VPS13B: variants seen among roughly 807,000 people sequenced by gnomAD.
VPS13B encodes vacuolar protein sorting 13 homolog B, also known as intermembrane lipid transfer protein VPS13B.
VPS13B carries 285 observed loss-of-function variants against 426.4 expected under a neutral mutation model. That is an observed-to-expected ratio of 0.67 (90% CI 0.61 to 0.74). VPS13B has a LOEUF of 0.74. Among genes scored for constraint, VPS13B ranks in the 30% least tolerant of loss-of-function variants. VPS13B has a pLI of 0.00. For synonymous variants in VPS13B, 1,676 were observed against 1,676.4 expected, an observed-to-expected ratio of 1.00 and a Z score of 0.01; for missense variants, 4,537 against 4,782.6, an observed-to-expected ratio of 0.95 and a Z score of 1.51.
chr8:99,122,787 T>A (rs1282209687), intron 8 of VPS13B, among the ~76,000 whole-genome samples: 12 of 152,044 alleles, frequency 7.9e-5, no homozygotes, highest in Non-Finnish European at 1.8e-4. Context: ...AACATATATA[T>A]TGTGTTCATT....
chr8:99,745,176 A>G (rs1414013903), intron 39 of VPS13B, among the ~76,000 whole-genome samples: 3 of 152,084 alleles, frequency 2.0e-5, no homozygotes, highest in Non-Finnish European at 2.9e-5. Context: ...TCTGTCATAT[A>G]AACTCCACCT....
At chr8:99,840,371 C>G (rs1815621673) in intron 54 of VPS13B, among the ~76,000 whole-genome samples, 1 of 152,214 alleles carries the variant, frequency 6.6e-6, no homozygotes, top group Non-Finnish European at 1.5e-5. Flanking sequence ...TGATATTGGC[C>G]TAGTCCAGCT....
intron 50 of VPS13B, among the ~76,000 whole-genome samples, chr8:99,823,349 G>A (rs1166224945): frequency 6.6e-6 from 1 of 152,094 alleles, no homozygotes; most frequent in African/African-American, 2.4e-5. Flanking sequence ...ATATATGAAG[G>A]TCAATCCTTA....
chr8:99,690,946 C>G (rs80337710), intron 35 of VPS13B, among the ~76,000 whole-genome samples: 10,585 of 152,198 alleles, frequency 0.07, 553 homozygotes, highest in African/African-American at 0.14. Flanking sequence ...TCACCAAAAA[C>G]TGGAAACAAC....
intron 31 of VPS13B, among the ~76,000 whole-genome samples, chr8:99,565,912 AATGC>A (rs1253062727): frequency 3.3e-5 from 5 of 152,170 alleles, no homozygotes; most frequent in African/African-American, 1.2e-4. Flanking sequence ...TTTGTAGGTT[AATGC>A]CTAGATTGAC....
intron 33 of VPS13B, among the ~76,000 whole-genome samples, chr8:99,615,335 C>G (rs1301959621): frequency 1.3e-5 from 2 of 152,148 alleles, no homozygotes; most frequent in Non-Finnish European, 1.5e-5. Flanking sequence ...CTACCACTTA[C>G]TGGCTTTGAA....
chr8:99,375,433 C>T (rs3134172), intron 19 of VPS13B, among the ~76,000 whole-genome samples: 39,407 of 152,056 alleles, frequency 0.26, 5,780 homozygotes, highest in East Asian at 0.44. Flanking sequence ...CTTGCAATTT[C>T]CTACATCCTA....
chr8:99,318,667 G>A (rs1378838932), intron 19 of VPS13B, among the ~76,000 whole-genome samples: 3 of 151,900 alleles, frequency 2.0e-5, no homozygotes, highest in Admixed American at 6.6e-5. Flanking sequence ...CTACAGGCAC[G>A]CACCACCAAG....
At chr8:99,099,731 A>G (rs1846626670) in intron 4 of VPS13B, among the ~76,000 whole-genome samples, 1 of 152,224 alleles carries the variant, frequency 6.6e-6, no homozygotes, top group Non-Finnish European at 1.5e-5. Context: ...AGAAGTGCGA[A>G]TGGACAAAAA....
chr8:99,423,410 C>A (rs971895072), intron 21 of VPS13B, among the ~76,000 whole-genome samples: 4 of 149,760 alleles, frequency 2.7e-5, no homozygotes, highest in Admixed American at 6.8e-5. Context: ...GTGTGTGTCA[C>A]AACATCTAGC....
intron 39 of VPS13B, among the ~76,000 whole-genome samples, chr8:99,730,695 A>T (rs1332547978): frequency 1.3e-5 from 2 of 149,250 alleles, no homozygotes; most frequent in Non-Finnish European, 3.0e-5. Flanking sequence ...AGGTACAGGT[A>T]CCTCCTGAAA....
At chr8:99,406,868 G>A (rs1256311267) in intron 21 of VPS13B, among the ~76,000 whole-genome samples, 1 of 152,202 alleles carries the variant, frequency 6.6e-6, no homozygotes, top group Non-Finnish European at 1.5e-5. Context: ...TTTTCATTGA[G>A]AAGACCTTAG....
At chr8:99,093,166 A>G (rs181961228) in intron 3 of VPS13B, among the ~76,000 whole-genome samples, 212 of 152,164 alleles carry the variant, frequency 1.4e-3, no homozygotes, top group African/African-American at 4.9e-3. Flanking sequence ...TCTTTAATTA[A>G]GACAACAGGA....
intron 43 of VPS13B, among the ~76,000 whole-genome samples, chr8:99,790,401 T>C (rs1410870910): frequency 5.9e-5 from 9 of 152,196 alleles, no homozygotes; most frequent in Non-Finnish European, 1.2e-4. Context: ...TTTTAATCAG[T>C]ATATTTTCAT....
chr8:99,270,151 T>TTTTTTTTTTTTTTTTTTG (rs1818510457), intron 17 of VPS13B, among the ~76,000 whole-genome samples: 1 of 115,712 alleles, frequency 8.6e-6, no homozygotes, highest in Non-Finnish European at 1.8e-5. Context: ...TTTTTTTTTT[T>TTTTTTTTTTTTTTTTTTG]TTTTTTGAGA....
At chr8:99,582,166 A>G (rs1353901276) in intron 33 of VPS13B, among the ~76,000 whole-genome samples, 1 of 152,220 alleles carries the variant, frequency 6.6e-6, no homozygotes, top group African/African-American at 2.4e-5. Context: ...CTTACAAGAT[A>G]GTCTTAGTCT....
chr8:99,130,548 C>T (rs1313713823), intron 8 of VPS13B, among the ~76,000 whole-genome samples: 7 of 152,022 alleles, frequency 4.6e-5, no homozygotes, highest in South Asian at 2.1e-4. Flanking sequence ...CCACCATGCC[C>T]GGCTAATTTT....
At position 99,102,939 on chromosome 8, in the gene VPS13B, T is replaced by G; in HGVS notation, c.413-14T>G. The G allele has an allele frequency of 2.5e-6, 4 of 1,591,418 alleles. No individual in the cohort carries two copies. The highest frequency in any genetic ancestry group is 3.4e-6 in the Non-Finnish European group (4 of 1,160,802). On this transcript the variant is annotated splice_polypyrimidine_tract_variant and intron_variant, in intron 4 of 61. Coordinates refer to ENST00000357162, the MANE Select transcript of VPS13B (RefSeq NM_152564.5). Reference sequence around the variant, plus strand: ...GATTTGTGGCTAATTAAATTCTTTTTTTCTATTTTATAGGTTATGTGCAGA... The same window carrying G: ...GATTTGTGGCTAATTAAATTCTTTTGTTCTATTTTATAGGTTATGTGCAGA...
chr8:99,261,547 T>C (rs1818037553), intron 17 of VPS13B, among the ~76,000 whole-genome samples: 1 of 152,194 alleles, frequency 6.6e-6, no homozygotes, highest in Non-Finnish European at 1.5e-5. Flanking sequence ...GGTTTTTGTG[T>C]GGACTTGTCT....
Sources: allele counts gnomAD v4.1 joint callset (sites outside exome capture counted in the v4.1 genomes callset), GRCh38; gene constraint gnomAD v4.1.1; transcripts MANE v1.5; gene names NCBI Gene and HGNC (gene_info 2026-07-23, HGNC 2026-07-21).